UBXN2A: variants seen among roughly 807,000 people sequenced by gnomAD.
The protein encoded by UBXN2A is UBX domain-containing protein 2A.
UBXN2A carries 28 observed loss-of-function variants against 28.4 expected under a neutral mutation model. The ratio of observed to expected loss-of-function variants is 0.99; its 90% CI spans 0.73 to 1.35. The LOEUF (loss-of-function observed/expected upper bound fraction) is 1.35. UBXN2A is among the 40% of genes most tolerant of loss of function. UBXN2A has a pLI of 0.00. For synonymous variants in UBXN2A, 97 were observed against 103.6 expected (o/e 0.94, Z 0.39); for missense variants, 253 against 297.9 (o/e 0.85, Z 1.11).
chr2:23,932,777 A>G (rs1031497300), intron 1 of UBXN2A, among the ~76,000 whole-genome samples: 1 of 152,258 alleles, frequency 6.6e-6, no homozygotes, highest in African/African-American at 2.4e-5. Context: ...AGTCCCATGA[A>G]TATGATTCAC....
At chr2:23,984,907 A>G in intron 6 of UBXN2A, 76 bp downstream of exon 6, 2 of 1,457,208 alleles carry the variant, frequency 1.4e-6, no homozygotes, top group Non-Finnish European at 1.8e-6. Context: ...TTCAGTCAAC[A>G]GTTTATTTTT....
chr2:23,984,975 C>A, intron 6 of UBXN2A, 144 bp downstream of exon 6: 1 of 815,204 alleles, frequency 1.2e-6, no homozygotes, highest in Non-Finnish European at 1.7e-6. Flanking sequence ...AGTCATAGCT[C>A]ACTGCAGTCT....
At chr2:23,961,132 G>C (rs1573558823) in intron 2 of UBXN2A, among the ~76,000 whole-genome samples, 1 of 150,710 alleles carries the variant, frequency 6.6e-6, no homozygotes, top group Non-Finnish European at 1.5e-5. Flanking sequence ...TTTTGCTCTT[G>C]TCACCCAGGC....
At chr2:23,934,420 C>T (rs575248414) in intron 1 of UBXN2A, among the ~76,000 whole-genome samples, 1 of 152,304 alleles carries the variant, frequency 6.6e-6, no homozygotes, top group East Asian at 1.9e-4. Context: ...TTCTACTGGA[C>T]AGTGCTGACC....
intron 1 of UBXN2A, among the ~76,000 whole-genome samples, chr2:23,950,066 G>C (rs950334026): frequency 8.0e-6 from 1 of 124,372 alleles, no homozygotes; most frequent in Non-Finnish European, 1.5e-5. Flanking sequence ...GCTGCACACT[G>C]TGAAGGATAC....
intron 6 of UBXN2A, among the ~76,000 whole-genome samples, chr2:23,989,629 G>T (rs529379632): frequency 6.6e-6 from 1 of 151,970 alleles, no homozygotes; most frequent in Non-Finnish European, 1.5e-5. Flanking sequence ...AGGGCCAGGC[G>T]TGGTGGCTCA....
chr2:24,001,489 A>G lies in UBXN2A; in HGVS notation c.*1622A>G, dbSNP rs1295556000. On this transcript the variant is annotated 3_prime_UTR_variant, in exon 7 of 7. Transcript: ENST00000309033. The stretch of plus-strand genomic sequence containing the variant: ...TTTTGCAAATGATCTATTGAATCAG[A>G]TTTAAAATGAAGCATGCATTGAGTG... 6.6e-6 allele frequency: 1 copy of G among 152,112 alleles called. No individual in the cohort carries two copies. Among genetic ancestry groups the G allele is most frequent in the Admixed American group, 6.5e-5 (1 of 15,268 alleles). The allele number at this position is 152,112 out of a possible 1,614,324, so 9.4% of individuals were successfully genotyped here. A position where few individuals can be genotyped will look rare whatever the true frequency, so the allele number is the denominator to read the frequency against.
chr2:23,936,949 G>GATTC (rs1162653474), upstream of UBXN2A, among the ~76,000 whole-genome samples: 2 of 152,068 alleles, frequency 1.3e-5, no homozygotes, highest in Non-Finnish European at 2.9e-5. Flanking sequence ...GGCCTCAAGT[G>GATTC]ATTCACCTGC....
chr2:23,999,618 T>C, intron 6 of UBXN2A, 54 bp from the exon 7 acceptor site: 1 of 1,532,730 alleles, frequency 6.5e-7, no homozygotes, highest in Non-Finnish European at 8.9e-7. Flanking sequence ...TTACTATAAA[T>C]TAGGTAATTC....
chr2:23,984,990 G>T (rs1486095129), intron 6 of UBXN2A, among the ~76,000 whole-genome samples, 159 bp downstream of exon 6: 1 of 152,010 alleles, frequency 6.6e-6, no homozygotes, highest in Non-Finnish European at 1.5e-5. Context: ...CAGTCTTGAA[G>T]TCCTGGATTC....
intron 1 of UBXN2A, among the ~76,000 whole-genome samples, chr2:23,946,673 C>G (rs919085900): frequency 6.6e-6 from 1 of 152,012 alleles, no homozygotes. Flanking sequence ...CCAGGCTGGT[C>G]TTGAACTTCT....
upstream of UBXN2A, among the ~76,000 whole-genome samples, chr2:23,938,067 C>T (rs549536043): frequency 2.0e-5 from 3 of 151,968 alleles, no homozygotes; most frequent in Non-Finnish European, 4.4e-5. Context: ...AGTCATGGAC[C>T]GAAAGGTTGT....
chr2:23,978,265 T>C (rs567279648), intron 4 of UBXN2A, among the ~76,000 whole-genome samples: 9 of 152,336 alleles, frequency 5.9e-5, no homozygotes, highest in African/African-American at 2.2e-4. Flanking sequence ...TGTTTAAATA[T>C]CTTTAAAGTC....
rs1273631106 is a variant in UBXN2A, at chr2:24,003,783, T to C, written c.*3916T>C. On this transcript the variant is annotated 3_prime_UTR_variant, in exon 7 of 7. Coordinates refer to ENST00000309033, the MANE Select transcript of UBXN2A (RefSeq NM_181713.4). Reference sequence around the variant, plus strand: ...AATCAATGAGCTTATCTTTCTGATATAGAAAATAACAGGATGACAGTTAAT... The same window carrying C: ...AATCAATGAGCTTATCTTTCTGATACAGAAAATAACAGGATGACAGTTAAT... 4 of 148,896 alleles carry C rather than the reference T, an allele frequency of 2.7e-5. No individual in the cohort carries two copies. The highest frequency in any genetic ancestry group is 2.7e-4 in the Admixed American group (4 of 14,966). 9.2% of individuals were successfully genotyped at this position (148,896 alleles called of 1,614,324 possible).
At chr2:23,939,725 GCCTGA>G (rs1705651759), upstream of UBXN2A, 1 of 152,410 alleles carries the variant, frequency 6.6e-6, no homozygotes, top group Non-Finnish European at 1.5e-5. Flanking sequence ...GAGGGTCTGG[GCCTGA>G]CCTTGTCACA....
At chr2:23,979,585 TAG>T (rs1013291700) in intron 4 of UBXN2A, among the ~76,000 whole-genome samples, 1 of 152,160 alleles carries the variant, frequency 6.6e-6, no homozygotes, top group African/African-American at 2.4e-5. Context: ...CTTGGCAACA[TAG>T]AGTTTTTTGT....
intron 1 of UBXN2A, among the ~76,000 whole-genome samples, chr2:23,930,794 G>T (rs576194049): frequency 6.0e-4 from 92 of 152,226 alleles, no homozygotes; most frequent in Non-Finnish European, 1.1e-3. Flanking sequence ...CAAGGTAGGA[G>T]AATCGCTTGA....
At chr2:23,960,129 G>A (rs1178353601) in intron 2 of UBXN2A, among the ~76,000 whole-genome samples, 1 of 152,074 alleles carries the variant, frequency 6.6e-6, no homozygotes, top group East Asian at 1.9e-4. Flanking sequence ...GGTGGCGGGT[G>A]CCTGTAGTCC....
intron 6 of UBXN2A, among the ~76,000 whole-genome samples, chr2:23,995,422 C>T (rs570121891): frequency 7.2e-5 from 11 of 152,084 alleles, no homozygotes; most frequent in Non-Finnish European, 1.2e-4. Flanking sequence ...AGCCCATCCA[C>T]GTTGAAAATG....
Sources: allele counts gnomAD v4.1 joint callset (sites outside exome capture counted in the v4.1 genomes callset), GRCh38; gene constraint gnomAD v4.1.1; transcripts MANE v1.5; gene names NCBI Gene and HGNC (gene_info 2026-07-23, HGNC 2026-07-21).